PCCA: variants seen among roughly 807,000 people sequenced by gnomAD.
PCCA encodes propionyl-CoA carboxylase alpha chain, mitochondrial.
In PCCA, 74 loss-of-function variants were observed where a neutral mutation model predicts 101.3. The ratio of observed to expected loss-of-function variants is 0.73; its 90% confidence interval spans 0.61 to 0.89. The LOEUF is 0.89. Ranked by LOEUF, PCCA falls within the 40% of genes least tolerant of loss-of-function variation. PCCA has a pLI of 0.00. For synonymous variants in PCCA, 294 were observed against 313.6 expected (o/e 0.94, Z 0.66); for missense variants, 891 against 907.0 (o/e 0.98, Z 0.23).
At chr13:100,266,956 C>A (rs2062979879) in intron 10 of PCCA, among the ~76,000 whole-genome samples, 1 of 152,070 alleles carries the variant, frequency 6.6e-6, no homozygotes, top group African/African-American at 2.4e-5. Context: ...CCCTTAAAAG[C>A]AGTATTTATT....
intron 12 of PCCA, among the ~76,000 whole-genome samples, chr13:100,298,304 C>T (rs2065716953): frequency 6.6e-6 from 1 of 152,128 alleles, no homozygotes; most frequent in South Asian, 2.1e-4. Context: ...CTGCGCAAGG[C>T]CCTTCTCTAG....
At chr13:100,147,380 G>A (rs922788684) in intron 4 of PCCA, among the ~76,000 whole-genome samples, 16 of 152,246 alleles carry the variant, frequency 1.1e-4, no homozygotes, top group African/African-American at 3.4e-4. Context: ...ATCATTTAGT[G>A]GCCTGTGTTG....
chr13:100,306,597 C>G (rs1472361910), intron 14 of PCCA, among the ~76,000 whole-genome samples: 1 of 151,688 alleles, frequency 6.6e-6, no homozygotes, highest in African/African-American at 2.4e-5. Flanking sequence ...TGTGCTATCC[C>G]CCTACCCCCC....
intron 19 of PCCA, among the ~76,000 whole-genome samples, chr13:100,372,719 A>G (rs939884399): frequency 1.3e-5 from 2 of 152,110 alleles, no homozygotes; most frequent in Non-Finnish European, 2.9e-5. Flanking sequence ...ATATTTACAA[A>G]TCACATAGAT....
At chr13:100,512,231 G>C (rs2086539695) in intron 21 of PCCA, among the ~76,000 whole-genome samples, 1 of 152,142 alleles carries the variant, frequency 6.6e-6, no homozygotes, top group South Asian at 2.1e-4. Flanking sequence ...CATGTCAGCT[G>C]TGATTCCTTT....
Position 100,382,497 on chromosome 13 carries a change from C to T in PCCA, c.1746+13923C>T, listed in dbSNP as rs369110108. On this transcript the variant is annotated intron_variant, in intron 19 of 23. Transcript: ENST00000376285. Reference sequence around the variant, plus strand: ...CTTTGGGCCACGGTCTCAGGCTTTTCAGCTTGAGGGTGGAACTTCACCAGG... The same window carrying T: ...CTTTGGGCCACGGTCTCAGGCTTTTTAGCTTGAGGGTGGAACTTCACCAGG... Among the ~76,000 whole-genome samples the T allele has an allele frequency of 1.1e-3, 164 of 152,264 alleles. 6 individuals carry two copies. The South Asian group carries it at 0.031, about 29-fold the overall frequency.
rs555557977 is a variant in PCCA, at chr13:100,314,780, T to C, written c.1429+4872T>C. On this transcript the variant is annotated intron_variant, in intron 16 of 23. Coordinates refer to ENST00000376285, the MANE Select transcript of PCCA (RefSeq NM_000282.4). The stretch of plus-strand genomic sequence containing the variant: ...ACACAAAGAAGAGTTGAGCAACTTA[T>C]GTAGATCAAAGGAAACTAAAGACAC... Among the ~76,000 whole-genome samples, 11 of 152,336 alleles carry C rather than the reference T, an allele frequency of 7.2e-5. No individual in the cohort carries two copies. The East Asian group carries it at 1.9e-3, about 27-fold the overall frequency.
At chr13:100,137,274 G>A (rs1011009648) in intron 4 of PCCA, among the ~76,000 whole-genome samples, 2 of 151,938 alleles carry the variant, frequency 1.3e-5, no homozygotes, top group Non-Finnish European at 1.5e-5. Context: ...ATCCAGGTAT[G>A]ACCTGTTTTG....
rs992861935 is a variant in PCCA, at chr13:100,111,907, T to G, written c.231+19T>G. 1 of 1,604,314 alleles carries G rather than the reference T, an allele frequency of 6.2e-7. No individual in the cohort carries two copies. Among genetic ancestry groups the G allele is most frequent in the African/African-American group, 1.3e-5 (1 of 74,580 alleles). ...ATGTCGGGTGAGTAGAATTTTCGTCTTATTTTCCATTTTACTCTGAAATTA... is the reference window on the plus strand; with the variant it reads ...ATGTCGGGTGAGTAGAATTTTCGTCGTATTTTCCATTTTACTCTGAAATTA... On this transcript the variant is annotated intron_variant, in intron 3 of 23. Coordinates refer to ENST00000376285, the MANE Select transcript of PCCA (RefSeq NM_000282.4).
chr13:100,317,069 G>A (rs2067440897), intron 16 of PCCA, among the ~76,000 whole-genome samples: 1 of 152,102 alleles, frequency 6.6e-6, no homozygotes, highest in African/African-American at 2.4e-5. Context: ...ACCAGGGCAG[G>A]GAAGTTCAAA....
At chr13:100,517,158 G>C (rs940844866) in intron 22 of PCCA, among the ~76,000 whole-genome samples, 1 of 151,462 alleles carries the variant, frequency 6.6e-6, no homozygotes, top group African/African-American at 2.4e-5. Context: ...AGGGAGGGCG[G>C]GCAGGGATGA....
At chr13:100,348,787 T>TCTTTCTTTCTTTCTTCCTTC (rs1298483783) in intron 18 of PCCA, among the ~76,000 whole-genome samples, 1 of 46,648 alleles carries the variant, frequency 2.1e-5, no homozygotes, top group Non-Finnish European at 4.5e-5. Context: ...TTTCTTTCTT[T>TCTTTCTTTCTTTCTTCCTTC]CTTCCTTCCT....
At position 100,507,389 on chromosome 13, in the gene PCCA, T is replaced by G. The variant is rs74349493; in HGVS notation, c.1900-8038T>G. ...TGGCACTATGGCGCCACACTCCAGGTAGGCTGCTGTCATTAACAGACTTGC... is the reference window on the plus strand; with the variant it reads ...TGGCACTATGGCGCCACACTCCAGGGAGGCTGCTGTCATTAACAGACTTGC... On this transcript the variant is annotated intron_variant, in intron 21 of 23. Coordinates refer to ENST00000376285, the MANE Select transcript of PCCA (RefSeq NM_000282.4). Among the ~76,000 whole-genome samples the G allele has an allele frequency of 2.9e-3, 443 of 152,290 alleles. 17 individuals are homozygous for G. In the East Asian group the frequency reaches 0.056, roughly 19 times the overall value.
Position 100,330,638 on chromosome 13 carries a change from T to C in PCCA, c.1507T>C (p.Phe503Leu). 6.2e-7 allele frequency: 1 copy of C among 1,611,390 alleles called. No individual in the cohort carries two copies. Among genetic ancestry groups the C allele is most frequent in the Non-Finnish European group, 8.5e-7 (1 of 1,177,690 alleles). ...TGTAAAAGGAGACATCAGCACTAAA[T>C]TTCTCTCCGATGTGTATCCTGATGG... ...RFVKGDISTKFLSDVYPDGFK... is the reference protein window; with the variant it reads ...RFVKGDISTKLLSDVYPDGFK... The change falls in exon 17 of 24, where the codon TTT becomes CTT. Residue 503 changes from phenylalanine (F) to leucine (L), a missense_variant. Physicochemically the swap from Phe to Leu is conservative, Grantham distance 22. Transcript: ENST00000376285.
At chr13:100,216,940 C>G (rs2059555209) in intron 7 of PCCA, among the ~76,000 whole-genome samples, 1 of 151,578 alleles carries the variant, frequency 6.6e-6, no homozygotes, top group Non-Finnish European at 1.5e-5. Flanking sequence ...GAAACCCCGT[C>G]TCTACTGAAA....
chr13:100,488,642 T>TG lies in PCCA; in HGVS notation c.1900-26785_1900-26784insG, dbSNP rs1405698570. Reference sequence around the variant, plus strand: ...TTTGTTTTTTTGTTTTGTTTTTTTTTTGTTTTTTTTTTTTAATTAGCTGGT... The same window carrying TG: ...TTTGTTTTTTTGTTTTGTTTTTTTTTGTGTTTTTTTTTTTTAATTAGCTGGT... On this transcript the variant is annotated intron_variant, in intron 21 of 23. Transcript: ENST00000376285. Among the ~76,000 whole-genome samples, 16 of 67,446 alleles carry TG rather than the reference T, an allele frequency of 2.4e-4. No individual in the cohort carries two copies. The East Asian group carries it at 0.018, about 75-fold the overall frequency. 44.2% of individuals were successfully genotyped at this position (67,446 alleles called of 152,430 possible).
chr13:100,370,740 G>A (rs539846680), intron 19 of PCCA, among the ~76,000 whole-genome samples: 12 of 152,262 alleles, frequency 7.9e-5, no homozygotes, highest in South Asian at 2.1e-4. Flanking sequence ...GTTGAACAGC[G>A]TGGCGAAGTA....
chr13:100,121,153 G>GTT (rs747251831), intron 4 of PCCA, among the ~76,000 whole-genome samples: 66 of 99,428 alleles, frequency 6.6e-4, no homozygotes, highest in African/African-American at 8.5e-4. Context: ...GATTTCTTAG[G>GTT]TTTTTTTTTT....
At chr13:100,202,670 G>C (rs1347077845) in intron 6 of PCCA, among the ~76,000 whole-genome samples, 1 of 148,912 alleles carries the variant, frequency 6.7e-6, no homozygotes, top group Non-Finnish European at 1.5e-5. Flanking sequence ...TCTCTTCAAG[G>C]ATTCCTATTA....
Sources: allele counts gnomAD v4.1 joint callset (sites outside exome capture counted in the v4.1 genomes callset), GRCh38; gene constraint gnomAD v4.1.1; transcripts MANE v1.5; gene names NCBI Gene and HGNC (gene_info 2026-07-23, HGNC 2026-07-21).